TAF2: variants seen among roughly 807,000 people sequenced by gnomAD.
TAF2 encodes transcription initiation factor TFIID subunit 2.
TAF2 carries 61 observed loss-of-function variants against 138.5 expected under a neutral mutation model. The ratio of observed to expected loss-of-function variants is 0.44; its 90% CI spans 0.36 to 0.54. The LOEUF (loss-of-function observed/expected upper bound fraction) is 0.54, where lower values mean the gene tolerates loss of function less well. TAF2 is among the 20% of genes least tolerant of loss of function. The pLI is 0.00. For missense variants in TAF2, 1,090 were observed against 1,427.9 expected, an observed-to-expected ratio of 0.76 and a Z score of 3.81; for synonymous variants, 475 against 469.9, an observed-to-expected ratio of 1.01 and a Z score of -0.14.
In TAF2 at chr8:119,762,550, G is replaced by C. The variant is rs768565194; in HGVS notation, c.2423C>G (p.Pro808Arg). The C allele has an allele frequency of 6.2e-7, 1 of 1,613,754 alleles. No homozygotes were observed. Among genetic ancestry groups the C allele is most frequent in the Non-Finnish European group, 8.5e-7 (1 of 1,179,866 alleles). ...AACTTCATTATTCACACTGACTGCAGGTGTAACAGAGTTGGCCAGGGCATC... is the reference window on the plus strand; with the variant it reads ...AACTTCATTATTCACACTGACTGCACGTGTAACAGAGTTGGCCAGGGCATC... ...MIDALANSVT[P>R]AVSVNNEVRT... Residue 808 changes from proline (P) to arginine (R), a missense_variant, in exon 19 of 26, where the codon CCT (proline) becomes CGT (arginine). By Grantham distance (103) the Pro-to-Arg change is moderately radical. Coordinates refer to ENST00000378164, the MANE Select transcript of TAF2 (RefSeq NM_003184.4).
chr8:119,800,462 G>T (rs1824177550), intron 6 of TAF2, among the ~76,000 whole-genome samples: 1 of 152,110 alleles, frequency 6.6e-6, no homozygotes, highest in Non-Finnish European at 1.5e-5. Context: ...GTAGATGTGT[G>T]GTATTATTTC....
chr8:119,752,372 G>C (rs893548884), intron 22 of TAF2, among the ~76,000 whole-genome samples: 3 of 151,926 alleles, frequency 2.0e-5, no homozygotes, highest in Non-Finnish European at 2.9e-5. Flanking sequence ...AGAATTTAAG[G>C]CTAAGTGGAG....
At chr8:119,809,003 C>G (rs1405019090) in intron 3 of TAF2, among the ~76,000 whole-genome samples, 2 of 152,180 alleles carry the variant, frequency 1.3e-5, no homozygotes, top group African/African-American at 4.8e-5. Flanking sequence ...GCTGCATTAG[C>G]CCCTAATAAA....
intron 22 of TAF2, among the ~76,000 whole-genome samples, chr8:119,754,273 A>G (rs980494926): frequency 2.0e-5 from 3 of 152,256 alleles, no homozygotes; most frequent in Non-Finnish European, 4.4e-5. Context: ...AATAAAATAA[A>G]AGAATTAAAA....
intron 22 of TAF2, among the ~76,000 whole-genome samples, chr8:119,748,639 A>ATATGTG (rs1554639677): frequency 6.6e-6 from 1 of 152,186 alleles, no homozygotes; most frequent in Non-Finnish European, 1.5e-5. Flanking sequence ...TGGAATATGC[A>ATATGTG]TATGTGGACA....
At chr8:119,803,501 G>A (rs1824406277) in intron 5 of TAF2, among the ~76,000 whole-genome samples, 1 of 151,982 alleles carries the variant, frequency 6.6e-6, no homozygotes, top group Non-Finnish European at 1.5e-5. Flanking sequence ...GGCCATTCTG[G>A]CCAACATGGT....
chr8:119,756,949 A>G (rs1485226422), intron 21 of TAF2, among the ~76,000 whole-genome samples: 1 of 152,234 alleles, frequency 6.6e-6, no homozygotes, highest in Non-Finnish European at 1.5e-5. Flanking sequence ...TTGAGAAATT[A>G]CTAAGAGTAA....
At chr8:119,804,271 G>A (rs1192544969) in intron 4 of TAF2, among the ~76,000 whole-genome samples, 2 of 151,972 alleles carry the variant, frequency 1.3e-5, no homozygotes, top group East Asian at 1.9e-4. Context: ...TACACCTTTG[G>A]TTACGCCATA....
At chr8:119,796,637 C>T (rs1450937677) in intron 8 of TAF2, among the ~76,000 whole-genome samples, 2 of 152,058 alleles carry the variant, frequency 1.3e-5, no homozygotes, top group African/African-American at 2.4e-5. Context: ...TCATTCAGTT[C>T]TTTAAGACAC....
intron 4 of TAF2, 87 bp from the exon 5 acceptor site, chr8:119,804,106 A>ATCTT: frequency 6.7e-7 from 1 of 1,500,268 alleles, no homozygotes; most frequent in Non-Finnish European, 9.2e-7. Context: ...TGAACATGAA[A>ATCTT]TGGAATTGAG....
At chr8:119,742,401 A>G (rs1417679766) in intron 25 of TAF2, 133 bp downstream of exon 25, 5 of 1,097,060 alleles carry the variant, frequency 4.6e-6, no homozygotes, top group Non-Finnish European at 6.5e-6. Context: ...TATAAGCTCA[A>G]TGTATTACAA....
chr8:119,767,884 G>A (rs927350893), intron 18 of TAF2, among the ~76,000 whole-genome samples: 1 of 152,170 alleles, frequency 6.6e-6, no homozygotes, highest in African/African-American at 2.4e-5. Flanking sequence ...CTGCCCTTTG[G>A]CTCCTGCCAC....
chr8:119,832,625 C>T lies in TAF2; in HGVS notation c.-61G>A. 3 of 1,511,972 alleles carry T rather than the reference C, an allele frequency of 2.0e-6. No individual in the cohort carries two copies. Among genetic ancestry groups the T allele is most frequent in the South Asian group, 2.3e-5 (2 of 88,598 alleles). The allele number at this position is 1,511,972 out of a possible 1,614,324, so 93.7% of individuals were successfully genotyped here. On this transcript the variant is annotated 5_prime_UTR_variant, in exon 1 of 26. Transcript: ENST00000378164. Reference sequence around the variant, plus strand: ...TAGGGGGATACGGGGCATTACTAGTCTTTGGCACCTCACACTCTCCACTCC... The same window carrying T: ...TAGGGGGATACGGGGCATTACTAGTTTTTGGCACCTCACACTCTCCACTCC...
chr8:119,828,120 C>T (rs766672509), intron 2 of TAF2, among the ~76,000 whole-genome samples: 3 of 152,044 alleles, frequency 2.0e-5, no homozygotes, highest in Non-Finnish European at 4.4e-5. Context: ...TCAGGTGATC[C>T]ATCCGCCTTG....
chr8:119,775,659 C>T (rs560710415), intron 18 of TAF2, among the ~76,000 whole-genome samples: 42 of 151,970 alleles, frequency 2.8e-4, no homozygotes, highest in South Asian at 6.3e-4. Flanking sequence ...ACCGAGATCA[C>T]GCCAGCGTAC....
At chr8:119,760,002 A>T (rs1429208924) in intron 20 of TAF2, among the ~76,000 whole-genome samples, 3 of 151,230 alleles carry the variant, frequency 2.0e-5, no homozygotes, top group Non-Finnish European at 4.4e-5. Context: ...ATTTCATCAG[A>T]AACTACTGTA....
At chr8:119,788,279 T>G in intron 14 of TAF2, 59 bp downstream of exon 14, 1 of 1,464,782 alleles carries the variant, frequency 6.8e-7, no homozygotes, top group Non-Finnish European at 9.6e-7. Flanking sequence ...TATTTTGGCA[T>G]TTTAGTCTGT....
intron 21 of TAF2, among the ~76,000 whole-genome samples, chr8:119,757,755 G>A (rs1820793569): frequency 6.6e-6 from 1 of 152,040 alleles, no homozygotes; most frequent in Non-Finnish European, 1.5e-5. Context: ...AATTAGCCAG[G>A]TGTGGTGGCG....
At chr8:119,760,136 T>TA (rs1382190543) in intron 20 of TAF2, among the ~76,000 whole-genome samples, 9 of 151,230 alleles carry the variant, frequency 6.0e-5, no homozygotes, top group East Asian at 1.9e-4. Flanking sequence ...TCCCCTAAAT[T>TA]AAAAAAAAAT....
Sources: gnomAD v4.1 joint callset for allele counts (sites outside exome capture counted in the v4.1 genomes callset) on GRCh38, gnomAD v4.1.1 for gene constraint, MANE v1.5 for transcripts, NCBI Gene and HGNC (gene_info 2026-07-23, HGNC 2026-07-21) for gene names.